PREX2: variants seen among roughly 807,000 people sequenced by gnomAD.
PREX2 encodes phosphatidylinositol 3,4,5-trisphosphate-dependent Rac exchanger 2 protein.
PREX2 carries 107 observed loss-of-function variants against 203.2 expected under a neutral mutation model. The observed-to-expected ratio is 0.53, with a 90% CI of 0.45 to 0.62. The LOEUF (loss-of-function observed/expected upper bound fraction) is 0.62. Ranked by LOEUF, PREX2 falls within the 20% of genes least tolerant of loss-of-function variation. The pLI, the probability that PREX2 is intolerant of heterozygous loss-of-function variation, is 0.00. For synonymous variants in PREX2, 672 were observed against 663.6 expected, an observed-to-expected ratio of 1.01 and a Z score of -0.19; for missense variants, 1,777 against 1,955.9, an observed-to-expected ratio of 0.91 and a Z score of 1.72.
chr8:68,046,874 G>A (rs1048980419), intron 8 of PREX2, among the ~76,000 whole-genome samples: 3 of 151,448 alleles, frequency 2.0e-5, no homozygotes, highest in African/African-American at 7.3e-5. Flanking sequence ...TTTTCTCATG[G>A]CTATATCCAC....
chr8:68,027,023 AC>A (rs1807739545), intron 4 of PREX2, among the ~76,000 whole-genome samples, 198 bp from the exon 5 acceptor site: 1 of 152,110 alleles, frequency 6.6e-6, no homozygotes, highest in Non-Finnish European at 1.5e-5. Context: ...TTTTTAAGAT[AC>A]AGATTCAAAA....
At chr8:68,047,478 T>TATATATATATATACAC (rs1207429681) in intron 8 of PREX2, among the ~76,000 whole-genome samples, 7 of 44,372 alleles carry the variant, frequency 1.6e-4, no homozygotes, top group African/African-American at 1.4e-3. Flanking sequence ...TTTATATATA[T>TATATATATATATACAC]ATATATATAT....
chr8:68,175,178 C>T lies in PREX2; in HGVS notation c.4347-16544C>T, dbSNP rs542327323. 3.3e-5 allele frequency among the ~76,000 whole-genome samples: 5 copies of T among 152,216 alleles called. No individual in the cohort carries two copies. In the East Asian group the frequency reaches 5.8e-4, roughly 18 times the overall value. On this transcript the variant is annotated intron_variant, in intron 35 of 39. Coordinates refer to ENST00000288368, the MANE Select transcript of PREX2 (RefSeq NM_024870.4). Reference sequence around the variant, plus strand: ...GGGGGCAGTTCTGACAGATGACTACCGGTGGGCCAGGCGGAGAGCAGTGGA... The same window carrying T: ...GGGGGCAGTTCTGACAGATGACTACTGGTGGGCCAGGCGGAGAGCAGTGGA...
intron 13 of PREX2, among the ~76,000 whole-genome samples, 198 bp downstream of exon 13, chr8:68,070,082 T>C (rs1327760753): frequency 6.6e-6 from 1 of 151,912 alleles, no homozygotes; most frequent in Non-Finnish European, 1.5e-5. Flanking sequence ...TTTTCCACTC[T>C]TTATTATGAT....
At chr8:68,011,253 G>A (rs555459431) in intron 1 of PREX2, among the ~76,000 whole-genome samples, 12 of 151,170 alleles carry the variant, frequency 7.9e-5, no homozygotes, top group South Asian at 2.1e-4. Flanking sequence ...GTACATTTTC[G>A]CTCAAACACT....
Position 67,976,679 on chromosome 8 carries a change from GACAGGAGAGAGAC to G in PREX2, c.141+24146_141+24158del, listed in dbSNP as rs1806114276. Among the ~76,000 whole-genome samples, 11 of 96,090 alleles carry G rather than the reference GACAGGAGAGAGAC, an allele frequency of 1.1e-4. 1 individual carries two copies. The highest frequency in any genetic ancestry group is 2.4e-4 in the Admixed American group (2 of 8,374). The allele number at this position is 96,090 out of a possible 152,430, so 63.0% of individuals were successfully genotyped here. ...GAGACGGGAGAGAGACAGAGAGAGA[GACAGGAGAGAGAC>G]AGAGAGAGAGAGACGGGAGAGAGAC... On this transcript the variant is annotated intron_variant, in intron 1 of 39. Coordinates refer to ENST00000288368, the MANE Select transcript of PREX2 (RefSeq NM_024870.4).
At chr8:67,966,269 C>T (rs951506342) in intron 1 of PREX2, among the ~76,000 whole-genome samples, 2 of 152,120 alleles carry the variant, frequency 1.3e-5, no homozygotes, top group African/African-American at 2.4e-5. Context: ...TGTCTGCTAA[C>T]ATTTAAAGAA....
At chr8:67,953,690 A>G (rs1230995042) in intron 1 of PREX2, among the ~76,000 whole-genome samples, 1 of 152,162 alleles carries the variant, frequency 6.6e-6, no homozygotes, top group Admixed American at 6.5e-5. Flanking sequence ...GGAAAGAAAA[A>G]TGTCTCAAGT....
chr8:68,146,344 T>C lies in PREX2; in HGVS notation c.4223T>C (p.Phe1408Ser). 6.2e-7 allele frequency: 1 copy of C among 1,612,162 alleles called. No homozygotes were observed. Among genetic ancestry groups the C allele is most frequent in the East Asian group, 2.2e-5 (1 of 44,700 alleles). The part of the protein sequence containing the change: ...GGGFKIHPVL[F>S]AQALESMEGY... ...GGGTTTAAAATTCATCCTGTTCTTT[T>C]TGCACAAGGTAAACTGTTTCTCTTT... is the stretch of plus-strand genomic sequence containing the variant. The change falls in exon 34 of 40, where the codon TTT becomes TCT. Residue 1408 changes from phenylalanine to serine, a missense_variant. Coordinates refer to ENST00000288368, the MANE Select transcript of PREX2 (RefSeq NM_024870.4).
intron 32 of PREX2, 138 bp from the exon 33 acceptor site, chr8:68,138,277 A>G (rs1811151771): frequency 2.4e-6 from 1 of 409,276 alleles, no homozygotes; most frequent in Admixed American, 4.3e-5. Flanking sequence ...TTATTACAGA[A>G]GTCTTTATAA....
At chr8:68,188,539 T>C (rs1352381977) in intron 35 of PREX2, among the ~76,000 whole-genome samples, 1 of 152,156 alleles carries the variant, frequency 6.6e-6, no homozygotes, top group Non-Finnish European at 1.5e-5. Context: ...AATAAAGACA[T>C]ACTTGAGACT....
intron 4 of PREX2, among the ~76,000 whole-genome samples, chr8:68,022,448 C>T (rs1026731375): frequency 6.6e-6 from 1 of 152,096 alleles, no homozygotes; most frequent in Non-Finnish European, 1.5e-5. Context: ...CTAGGGTGTC[C>T]TTTACTTCTG....
chr8:67,994,269 C>G (rs1563489883), intron 1 of PREX2, among the ~76,000 whole-genome samples: 1 of 152,158 alleles, frequency 6.6e-6, no homozygotes, highest in Non-Finnish European at 1.5e-5. Flanking sequence ...GAGATCACAG[C>G]TAACGCTTAA....
intron 15 of PREX2, among the ~76,000 whole-genome samples, chr8:68,078,862 T>C (rs1809430178): frequency 6.6e-6 from 1 of 152,208 alleles, no homozygotes; most frequent in South Asian, 2.1e-4. Flanking sequence ...TCAAAAGTTT[T>C]TCATACCAAA....
In PREX2 at chr8:68,236,359, T is replaced by C. The variant is rs1043088654; in HGVS notation, c.*4981T>C. 2.6e-4 allele frequency: 40 copies of C among 152,348 alleles called. No individual in the cohort carries two copies. The highest frequency in any genetic ancestry group is 8.9e-4 in the African/African-American group (37 of 41,602). 9.4% of individuals were successfully genotyped at this position (152,348 alleles called of 1,614,324 possible). On this transcript the variant is annotated 3_prime_UTR_variant, in exon 40 of 40. Transcript: ENST00000288368. ...TCAAGCATTCATCCGAAAAATGTTT[T>C]TGAGAATTCACTTTGTGCAAGGCAC...
chr8:68,046,528 G>C (rs1189311752), intron 8 of PREX2, among the ~76,000 whole-genome samples: 1 of 152,094 alleles, frequency 6.6e-6, no homozygotes, highest in Admixed American at 6.6e-5. Context: ...CAGTTCCTGA[G>C]GGCAAAAGCA....
intron 35 of PREX2, among the ~76,000 whole-genome samples, chr8:68,184,957 G>A (rs1207201984): frequency 6.6e-6 from 1 of 152,138 alleles, no homozygotes; most frequent in East Asian, 1.9e-4. Flanking sequence ...ATTTGATAAA[G>A]CACTTTCCTG....
At chr8:68,191,393 T>C (rs764150073) in intron 35 of PREX2, among the ~76,000 whole-genome samples, 5 of 152,220 alleles carry the variant, frequency 3.3e-5, no homozygotes, top group Non-Finnish European at 5.9e-5. Context: ...CTGTGCACTG[T>C]TCTACATATT....
At chr8:68,164,719 A>C (rs1031195496) in intron 35 of PREX2, among the ~76,000 whole-genome samples, 1 of 151,032 alleles carries the variant, frequency 6.6e-6, no homozygotes, top group South Asian at 2.1e-4. Flanking sequence ...AGTAGCTGGG[A>C]TTACAGGCAT....
Sources: allele counts gnomAD v4.1 joint callset (sites outside exome capture counted in the v4.1 genomes callset), GRCh38; gene constraint gnomAD v4.1.1; transcripts MANE v1.5; gene names NCBI Gene and HGNC (gene_info 2026-07-23, HGNC 2026-07-21).